The following SORCS1 variants were observed in gnomAD, a reference collection of about 807,000 sequenced individuals.
SORCS1 encodes the protein VPS10 domain-containing receptor SorCS1.
In SORCS1, 60 loss-of-function variants were observed where a neutral mutation model predicts 146.1. The ratio of observed to expected loss-of-function variants is 0.41; its 90% CI spans 0.33 to 0.51. The LOEUF (loss-of-function observed/expected upper bound fraction) is 0.51. SORCS1 is among the 20% of genes least tolerant of loss of function. The pLI, the probability that SORCS1 is intolerant of heterozygous loss-of-function variation, is 0.21. For missense variants in SORCS1, 1,352 were observed against 1,487.6 expected, an observed-to-expected ratio of 0.91 and a Z score of 1.50; for synonymous variants, 637 against 584.0, an observed-to-expected ratio of 1.09 and a Z score of -1.31.
chr10:106,921,289 T>G (rs938276217), intron 2 of SORCS1, among the ~76,000 whole-genome samples: 1 of 152,124 alleles, frequency 6.6e-6, no homozygotes, highest in African/African-American at 2.4e-5. Context: ...TCTGATGCCT[T>G]TTTCTCAAGT....
At chr10:107,048,705 T>C (rs558251986) in intron 1 of SORCS1, among the ~76,000 whole-genome samples, 2 of 152,308 alleles carry the variant, frequency 1.3e-5, no homozygotes, top group South Asian at 2.1e-4. Flanking sequence ...TCACACCCAT[T>C]CACATCGTAG....
rs981798751 is a variant in SORCS1, at chr10:106,850,539, C to T, written c.627-20866G>A. Among the ~76,000 whole-genome samples the T allele has an allele frequency of 2.6e-5, 4 of 152,098 alleles. No individual in the cohort carries two copies. The East Asian group carries it at 7.7e-4, about 29-fold the overall frequency. On this transcript the variant is annotated intron_variant, in intron 2 of 25. Transcript: ENST00000263054. Reference sequence around the variant, plus strand: ...CCTCAGATGGAAATGCAGAAATCACCCGTCTTCTGCGTTGCTCACGCTGGG... The same window carrying T: ...CCTCAGATGGAAATGCAGAAATCACTCGTCTTCTGCGTTGCTCACGCTGGG...
chr10:106,761,590 G>A lies in SORCS1; in HGVS notation c.957C>T (p.Tyr319=), dbSNP rs376709840. The A allele has an allele frequency of 4.5e-5, 72 of 1,613,816 alleles. No homozygotes were observed. The highest frequency in any genetic ancestry group is 6.1e-5 in the Non-Finnish European group (72 of 1,179,806). ...IQEGVVPNRF[Y]WSVMGSNKEP... ...CTACAAGATAAAGTGAGACTTACCAGTAGAACCTGTTTGGTACAACCCCTT... is the reference window on the plus strand; with the variant it reads ...CTACAAGATAAAGTGAGACTTACCAATAGAACCTGTTTGGTACAACCCCTT... The change falls in exon 5 of 26, where the codon TAC becomes TAT. Residue 319 remains tyrosine, a splice_region_variant and synonymous_variant. Coordinates refer to ENST00000263054, the MANE Select transcript of SORCS1 (RefSeq NM_052918.5).
At chr10:106,740,970 T>C (rs1358142106) in intron 5 of SORCS1, among the ~76,000 whole-genome samples, 1 of 152,240 alleles carries the variant, frequency 6.6e-6, no homozygotes, top group East Asian at 1.9e-4. Context: ...GAGATAATAG[T>C]ACCGAATAAT....
Position 107,001,855 on chromosome 10 carries a change from A to C in SORCS1, c.559-45275T>G, listed in dbSNP as rs556772449. ...CTATGTTCTCCGGCAAAGGCAGTTA[A>C]ACCTGGCTCTAAAAGGATTCACACC... On this transcript the variant is annotated intron_variant, in intron 1 of 25. Coordinates refer to ENST00000263054, the MANE Select transcript of SORCS1 (RefSeq NM_052918.5). Among the ~76,000 whole-genome samples, 6 of 152,362 alleles carry C rather than the reference A, an allele frequency of 3.9e-5. No individual in the cohort carries two copies. In the South Asian group the frequency reaches 1.2e-3, roughly 32 times the overall value.
chr10:106,947,178 A>T (rs1251921785), intron 2 of SORCS1, among the ~76,000 whole-genome samples: 1 of 152,226 alleles, frequency 6.6e-6, no homozygotes, highest in Non-Finnish European at 1.5e-5. Context: ...AGCCTGGGGA[A>T]ATCTGCAAAC....
chr10:106,916,759 TA>T (rs1482873519), intron 2 of SORCS1, among the ~76,000 whole-genome samples: 4 of 152,028 alleles, frequency 2.6e-5, no homozygotes, highest in African/African-American at 7.2e-5. Context: ...ATTTTTCTTT[TA>T]TTTTTTTGAG....
chr10:106,934,681 A>G (rs1357995256), intron 2 of SORCS1, among the ~76,000 whole-genome samples: 1 of 152,218 alleles, frequency 6.6e-6, no homozygotes, highest in African/African-American at 2.4e-5. Flanking sequence ...TCAACGATTG[A>G]GTGTATAAAG....
chr10:106,673,453 C>G (rs1016617454), intron 14 of SORCS1, among the ~76,000 whole-genome samples: 1 of 152,056 alleles, frequency 6.6e-6, no homozygotes, highest in Non-Finnish European at 1.5e-5. Context: ...TTACTGGATC[C>G]ACTTCGCAGA....
Position 106,699,255 on chromosome 10 carries a change from T to C in SORCS1, c.1372A>G (p.Ser458Gly), listed in dbSNP as rs1272140875. The change falls in exon 9 of 26, where the codon AGC (serine) becomes GGC (glycine). Residue 458 changes from serine (S) to glycine (G), a missense_variant. Coordinates refer to ENST00000263054, the MANE Select transcript of SORCS1 (RefSeq NM_052918.5). ...FTLALENVQS[S>G]RGPEGNIMID... Reference sequence around the variant, plus strand: ...ATGATGTTGCCCTCAGGGCCTCTGCTGCTCTGGACATTCTCCAAGGCCAGG... The same window carrying C: ...ATGATGTTGCCCTCAGGGCCTCTGCCGCTCTGGACATTCTCCAAGGCCAGG... The C allele has an allele frequency of 5.6e-6, 9 of 1,613,798 alleles. No individual in the cohort carries two copies. Among genetic ancestry groups the C allele is most frequent in the Non-Finnish European group, 7.6e-6 (9 of 1,179,842 alleles).
chr10:106,623,540 G>T (rs1014925166), intron 19 of SORCS1, among the ~76,000 whole-genome samples: 4 of 151,602 alleles, frequency 2.6e-5, no homozygotes, highest in Non-Finnish European at 5.9e-5. Flanking sequence ...CACCACGCCC[G>T]GCTGAGCATT....
chr10:106,841,495 C>G (rs1178168724), intron 2 of SORCS1, among the ~76,000 whole-genome samples: 1 of 152,038 alleles, frequency 6.6e-6, no homozygotes, highest in African/African-American at 2.4e-5. Context: ...CACACACACA[C>G]ACATTGTTTT....
chr10:107,035,101 C>T (rs888516139), intron 1 of SORCS1, among the ~76,000 whole-genome samples: 1 of 151,664 alleles, frequency 6.6e-6, no homozygotes, highest in Non-Finnish European at 1.5e-5. Flanking sequence ...ATATTCATTA[C>T]CACCTTTTTT....
At chr10:106,836,229 C>T (rs376647398) in intron 2 of SORCS1, among the ~76,000 whole-genome samples, 2 of 151,710 alleles carry the variant, frequency 1.3e-5, no homozygotes, top group African/African-American at 2.4e-5. Flanking sequence ...AATCCCAGAA[C>T]TTTGGGAGGC....
intron 1 of SORCS1, among the ~76,000 whole-genome samples, chr10:107,076,239 T>C (rs1168969389): frequency 2.0e-5 from 3 of 152,104 alleles, no homozygotes; most frequent in Non-Finnish European, 4.4e-5. Context: ...TATAGTGAAA[T>C]AAACTTAGTA....
intron 24 of SORCS1, among the ~76,000 whole-genome samples, chr10:106,586,720 C>A (rs1845260972): frequency 6.6e-6 from 1 of 152,172 alleles, no homozygotes; most frequent in South Asian, 2.1e-4. Flanking sequence ...CTTTGAGAGG[C>A]TGAAGTGGGT....
intron 2 of SORCS1, among the ~76,000 whole-genome samples, chr10:106,928,877 CT>C (rs1953233535): frequency 6.6e-6 from 1 of 150,592 alleles, no homozygotes; most frequent in Non-Finnish European, 1.5e-5. Context: ...AATAAACTTT[CT>C]GTATTTTTCC....
chr10:107,048,010 G>A (rs1432642159), intron 1 of SORCS1, among the ~76,000 whole-genome samples: 2 of 152,112 alleles, frequency 1.3e-5, no homozygotes, highest in Non-Finnish European at 2.9e-5. Context: ...CTGAGCCCGC[G>A]AAGTCAAGGC....
At chr10:106,789,648 C>T (rs1946220409) in intron 3 of SORCS1, among the ~76,000 whole-genome samples, 2 of 152,230 alleles carry the variant, frequency 1.3e-5, no homozygotes, top group African/African-American at 4.8e-5. Flanking sequence ...GCATTTTGGT[C>T]AAAACCATTC....
Sources: gnomAD v4.1 joint callset for allele counts (sites outside exome capture counted in the v4.1 genomes callset) on GRCh38, gnomAD v4.1.1 for gene constraint, MANE v1.5 for transcripts, NCBI Gene and HGNC (gene_info 2026-07-23, HGNC 2026-07-21) for gene names.